The following TRMT11 variants were observed in gnomAD, a reference collection of about 807,000 sequenced individuals.
TRMT11 encodes tRNA (guanine(10)-N(2))-methyltransferase TRMT11.
Under a neutral mutation model 62.8 loss-of-function variants are expected in TRMT11, and 53 were observed. The observed-to-expected ratio is 0.84, with a 90% CI of 0.68 to 1.06. The LOEUF (loss-of-function observed/expected upper bound fraction) is 1.06, where lower values mean the gene tolerates loss of function less well. Ranked by LOEUF, TRMT11 falls within the 50% of genes least tolerant of loss-of-function variation. The pLI is 0.00. For synonymous variants in TRMT11, 188 were observed against 190.3 expected (o/e 0.99, Z 0.10); for missense variants, 556 against 553.4 (o/e 1.00, Z -0.05).
At chr6:126,036,572 A>G in intron 12 of TRMT11, among the ~76,000 whole-genome samples, 1 of 152,072 alleles carries the variant, frequency 6.6e-6, no homozygotes, top group South Asian at 2.1e-4. Flanking sequence ...TCTGATTTTG[A>G]TGACTGGATG....
At chr6:126,039,829 A>G (rs900633967), downstream of TRMT11, among the ~76,000 whole-genome samples, 1 of 152,016 alleles carries the variant, frequency 6.6e-6, no homozygotes, top group Non-Finnish European at 1.5e-5. Flanking sequence ...TTTTAGTGTT[A>G]CTGCTGACTT....
chr6:126,084,977 A>G (rs1446115820), intron 17 of TRMT11, among the ~76,000 whole-genome samples: 1 of 152,140 alleles, frequency 6.6e-6, no homozygotes, highest in Non-Finnish European at 1.5e-5. Context: ...TTTTGCTTAA[A>G]AGGTAAATAA....
intron 17 of TRMT11, among the ~76,000 whole-genome samples, chr6:126,085,778 G>A (rs1053296492): frequency 4.6e-5 from 7 of 152,128 alleles, no homozygotes; most frequent in East Asian, 1.9e-4. Context: ...GTCAGTATAC[G>A]TTTGTCCAAA....
chr6:126,045,171 G>C (rs1776012075), intron 16 of TRMT11, among the ~76,000 whole-genome samples: 1 of 148,948 alleles, frequency 6.7e-6, no homozygotes, highest in South Asian at 2.1e-4. Context: ...CTGGGTGACA[G>C]AGCGAGACTC....
chr6:126,216,174 G>A, the TRMT11 span, among the ~76,000 whole-genome samples: 1 of 152,042 alleles, frequency 6.6e-6, no homozygotes, highest in Non-Finnish European at 1.5e-5. Flanking sequence ...GGACAGGTAT[G>A]GTGTTGATAA....
At chr6:126,063,731 C>G (rs1195704732) in intron 17 of TRMT11, among the ~76,000 whole-genome samples, 1 of 152,184 alleles carries the variant, frequency 6.6e-6, no homozygotes, top group Non-Finnish European at 1.5e-5. Flanking sequence ...GGTCTCTAGA[C>G]AGAAGTTGTC....
At position 126,151,688 on chromosome 6, in the gene TRMT11, C is replaced by T. The variant is rs80031612; in HGVS notation, c.*1824-23137C>T. On this transcript the variant is annotated intron_variant and NMD_transcript_variant, in intron 21 of 22. Coordinates refer to the TRMT11 transcript ENST00000648977. ...AAAGTAGACTATCCCCACTGTCTCC[C>T]ACCCTTTTATTCACCCCTTCTCTTT... 7.0e-3 allele frequency among the ~76,000 whole-genome samples: 1,063 copies of T among 151,890 alleles called. 11 individuals are homozygous for T. Among genetic ancestry groups the T allele is most frequent in the African/African-American group, 0.024 (991 of 41,380 alleles).
intron 2 of TRMT11, among the ~76,000 whole-genome samples, chr6:126,199,241 G>C (rs1051747339): frequency 1.3e-5 from 2 of 152,190 alleles, no homozygotes; most frequent in African/African-American, 2.4e-5. Context: ...GATGTCATGA[G>C]CACCTGCTTT....
chr6:126,140,967 A>G (rs1327484435), intron 21 of TRMT11, among the ~76,000 whole-genome samples: 2 of 152,124 alleles, frequency 1.3e-5, no homozygotes, highest in Non-Finnish European at 2.9e-5. Flanking sequence ...CCAGTGAAAT[A>G]GAAAATAACA....
chr6:126,107,784 G>C (rs1345562588), intron 17 of TRMT11, among the ~76,000 whole-genome samples: 1 of 152,166 alleles, frequency 6.6e-6, no homozygotes, highest in East Asian at 1.9e-4. Flanking sequence ...TCCTTTCCAA[G>C]TTAGAGAACT....
At chr6:126,217,009 A>G in the TRMT11 span, among the ~76,000 whole-genome samples, 6 of 152,220 alleles carry the variant, frequency 3.9e-5, no homozygotes, top group East Asian at 1.2e-3. Context: ...TGCTTAATCA[A>G]TCCTGCTGTT....
chr6:126,037,312 G>C (rs904896300), intron 12 of TRMT11, among the ~76,000 whole-genome samples: 1 of 151,984 alleles, frequency 6.6e-6, no homozygotes, highest in Non-Finnish European at 1.5e-5. Context: ...TCTTAGAGCT[G>C]ACAAGTTTTG....
intron 21 of TRMT11, among the ~76,000 whole-genome samples, chr6:126,152,816 ACTGTGCTTG>A (rs760000020): frequency 9.2e-5 from 14 of 152,174 alleles, no homozygotes; most frequent in Non-Finnish European, 1.8e-4. Flanking sequence ...GTCTTGATTC[ACTGTGCTTG>A]CTGTCCTTCC....
At chr6:126,062,854 T>C (rs1776576332) in intron 17 of TRMT11, among the ~76,000 whole-genome samples, 1 of 152,166 alleles carries the variant, frequency 6.6e-6, no homozygotes, top group Non-Finnish European at 1.5e-5. Context: ...AAAAAATAAA[T>C]TGAATCAAGC....
intron 21 of TRMT11, among the ~76,000 whole-genome samples, chr6:126,155,890 T>C (rs1778114339): frequency 6.6e-6 from 1 of 151,970 alleles, no homozygotes; most frequent in African/African-American, 2.4e-5. Flanking sequence ...CCGGGTAATT[T>C]TTTTTTTTAA....
the TRMT11 span, among the ~76,000 whole-genome samples, chr6:126,261,804 G>T: frequency 6.6e-6 from 1 of 152,168 alleles, no homozygotes; most frequent in South Asian, 2.1e-4. Context: ...CTGGTTGTTG[G>T]GTTGGGTATG....
At chr6:126,134,610 A>G (rs1472447726) in intron 21 of TRMT11, among the ~76,000 whole-genome samples, 1 of 151,656 alleles carries the variant, frequency 6.6e-6, no homozygotes, top group East Asian at 1.9e-4. Flanking sequence ...ACAAACAAAC[A>G]TTGCTGTTTG....
intron 8 of TRMT11, chr6:126,008,752 A>G: frequency 1.7e-6 from 1 of 599,554 alleles, no homozygotes; most frequent in Non-Finnish European, 3.1e-6. Context: ...TAAAGTAAGT[A>G]TAACAGTAGG....
intron 1 of TRMT11, among the ~76,000 whole-genome samples, chr6:125,989,124 C>CTTTTTT (rs971479523): frequency 2.3e-4 from 22 of 94,412 alleles, no homozygotes; most frequent in East Asian, 1.4e-3. Context: ...AGTTTGGATT[C>CTTTTTT]TTTTTTTTTT....
Sources: allele counts gnomAD v4.1 joint callset (sites outside exome capture counted in the v4.1 genomes callset), GRCh38; gene constraint gnomAD v4.1.1; transcripts MANE v1.5; gene names NCBI Gene and HGNC (gene_info 2026-07-23, HGNC 2026-07-21).